The following BANK1 variants were observed in gnomAD, a reference collection of about 807,000 sequenced individuals.
BANK1 encodes the protein B-cell scaffold protein with ankyrin repeats.
A neutral mutation model predicts 94.5 loss-of-function variants in BANK1; 95 were observed. The observed-to-expected ratio is 1.00, with a 90% CI of 0.85 to 1.19. BANK1 has a LOEUF of 1.19. Among genes scored for constraint, BANK1 ranks in the 50% most tolerant of loss-of-function variants. The probability of loss-of-function intolerance (pLI) is 0.00; values close to 1 mark genes in which losing one functional copy is unlikely to be tolerated. For synonymous variants in BANK1, 334 were observed against 308.4 expected, an observed-to-expected ratio of 1.08 and a Z score of -0.87; for missense variants, 987 against 932.2, an observed-to-expected ratio of 1.06 and a Z score of -0.77.
chr4:101,984,278 T>A (rs1308140453), intron 7 of BANK1, among the ~76,000 whole-genome samples: 1 of 152,026 alleles, frequency 6.6e-6, no homozygotes, highest in East Asian at 1.9e-4. Flanking sequence ...ATTAGGGTAG[T>A]TAGCCTAAAA....
intron 7 of BANK1, among the ~76,000 whole-genome samples, chr4:102,012,118 T>G (rs1469158546): frequency 6.6e-6 from 1 of 152,220 alleles, no homozygotes; most frequent in Non-Finnish European, 1.5e-5. Context: ...AATTTCATAA[T>G]TTAAATGTAA....
chr4:102,035,986 G>C (rs1333513999), intron 10 of BANK1, among the ~76,000 whole-genome samples: 1 of 152,124 alleles, frequency 6.6e-6, no homozygotes, highest in Non-Finnish European at 1.5e-5. Context: ...TAGATACATT[G>C]GTAGTGAAAC....
intron 13 of BANK1, among the ~76,000 whole-genome samples, chr4:102,067,981 A>G (rs567850499): frequency 1.3e-5 from 2 of 152,136 alleles, no homozygotes; most frequent in Non-Finnish European, 2.9e-5. Context: ...AGAATCTTAT[A>G]TTCTCTTACC....
chr4:101,862,180 C>CT (rs1727902142), intron 3 of BANK1, among the ~76,000 whole-genome samples: 1 of 152,034 alleles, frequency 6.6e-6, no homozygotes, highest in Non-Finnish European at 1.5e-5. Context: ...GAATTATAGC[C>CT]TTCTGCTGGT....
In BANK1 at chr4:102,002,687, T is replaced by G. The variant is rs192252791; in HGVS notation, c.1207-18827T>G. ...CTCACAGAGCTTCAATCCACAGCTT[T>G]CGGCCTCAGAATCAGTGTCTCACTG... On this transcript the variant is annotated intron_variant, in intron 7 of 16. Coordinates refer to ENST00000322953, the MANE Select transcript of BANK1 (RefSeq NM_017935.5). 8.9e-4 allele frequency among the ~76,000 whole-genome samples: 135 copies of G among 152,244 alleles called. 1 individual carries two copies. The highest frequency in any genetic ancestry group is 3.1e-3 in the African/African-American group (128 of 41,534).
intron 7 of BANK1, among the ~76,000 whole-genome samples, chr4:101,926,351 T>G (rs1339306229): frequency 6.6e-6 from 1 of 151,722 alleles, no homozygotes; most frequent in African/African-American, 2.4e-5. Context: ...AAGATTATGA[T>G]TGACTTATTC....
At chr4:101,990,282 G>T (rs1159342954) in intron 7 of BANK1, among the ~76,000 whole-genome samples, 1 of 152,076 alleles carries the variant, frequency 6.6e-6, no homozygotes, top group Non-Finnish European at 1.5e-5. Context: ...CTCTAACTGT[G>T]AATTAGCATG....
intron 7 of BANK1, among the ~76,000 whole-genome samples, chr4:102,003,235 T>C (rs1170484712): frequency 6.6e-6 from 1 of 152,158 alleles, no homozygotes; most frequent in African/African-American, 2.4e-5. Flanking sequence ...AGGCTATATA[T>C]TGTTGTGTAA....
intron 7 of BANK1, among the ~76,000 whole-genome samples, chr4:101,953,031 A>T (rs971248339): frequency 2.0e-5 from 3 of 152,178 alleles, no homozygotes; most frequent in African/African-American, 7.2e-5. Context: ...CTGCACCAAT[A>T]GAGGACACCC....
chr4:101,886,766 G>C (rs1016025598), intron 5 of BANK1, among the ~76,000 whole-genome samples: 3 of 147,044 alleles, frequency 2.0e-5, no homozygotes, highest in African/African-American at 4.9e-5. Flanking sequence ...TATATTGGGG[G>C]GGGGGGCATG....
At chr4:101,805,587 T>G (rs2148852110) in intron 1 of BANK1, among the ~76,000 whole-genome samples, 1 of 149,848 alleles carries the variant, frequency 6.7e-6, no homozygotes, top group South Asian at 2.1e-4. Flanking sequence ...CAAATATTTA[T>G]TATTTGTATA....
intron 5 of BANK1, among the ~76,000 whole-genome samples, chr4:101,888,249 A>G (rs1728926480): frequency 6.6e-6 from 1 of 152,216 alleles, no homozygotes; most frequent in African/African-American, 2.4e-5. Context: ...AGATTCCAAC[A>G]TTTTTAACTA....
intron 2 of BANK1, among the ~76,000 whole-genome samples, chr4:101,852,185 C>T (rs536506290): frequency 3.4e-4 from 52 of 151,894 alleles, no homozygotes; most frequent in Non-Finnish European, 6.8e-4. Flanking sequence ...TTAATACATT[C>T]ATTATCTTAA....
rs766222263 is a variant in BANK1, at chr4:102,071,263, T to A, written c.2213-12T>A. ...CAAAACTCAGTAGAACATGCTTTTT[T>A]TTGTCTTCCAGATAAACTCACCATT... is the stretch of plus-strand genomic sequence containing the variant. On this transcript the variant is annotated splice_polypyrimidine_tract_variant and intron_variant, in intron 13 of 16. Transcript: ENST00000322953. The A allele has an allele frequency of 6.2e-7, 1 of 1,613,634 alleles. No individual in the cohort carries two copies. The highest frequency in any genetic ancestry group is 1.1e-5 in the South Asian group (1 of 91,054).
At chr4:101,990,775 A>T (rs1313827416) in intron 7 of BANK1, among the ~76,000 whole-genome samples, 1 of 152,144 alleles carries the variant, frequency 6.6e-6, no homozygotes, top group Non-Finnish European at 1.5e-5. Flanking sequence ...ACATCATCAA[A>T]ATATAAGTTC....
At chr4:101,965,150 A>G (rs1578425111) in intron 7 of BANK1, among the ~76,000 whole-genome samples, 1 of 151,910 alleles carries the variant, frequency 6.6e-6, no homozygotes, top group East Asian at 1.9e-4. Context: ...CACATAAAGA[A>G]CAGACACACA....
intron 1 of BANK1, among the ~76,000 whole-genome samples, chr4:101,816,841 A>G (rs1725936201): frequency 6.6e-6 from 1 of 152,212 alleles, no homozygotes; most frequent in East Asian, 1.9e-4. Flanking sequence ...TTGGTATAAT[A>G]TAAGCAGACA....
intron 7 of BANK1, among the ~76,000 whole-genome samples, chr4:101,978,207 TG>T (rs537923631): frequency 5.7e-4 from 86 of 152,212 alleles, no homozygotes; most frequent in Middle Eastern, 6.8e-3. Context: ...TACTCAATTT[TG>T]TAATTCCAGA....
chr4:101,794,671 A>G (rs1168440333), intron 1 of BANK1, among the ~76,000 whole-genome samples: 1 of 152,134 alleles, frequency 6.6e-6, no homozygotes, highest in Non-Finnish European at 1.5e-5. Context: ...CAGATATCAT[A>G]TGGAATTATA....
Sources: gnomAD v4.1 joint callset for allele counts (sites outside exome capture counted in the v4.1 genomes callset) on GRCh38, gnomAD v4.1.1 for gene constraint, MANE v1.5 for transcripts, NCBI Gene and HGNC (gene_info 2026-07-23, HGNC 2026-07-21) for gene names.